C10orf67: variants seen among roughly 807,000 people sequenced by gnomAD.
The protein encoded by C10orf67 is chromosome 10 open reading frame 67.
C10orf67 carries 60 observed loss-of-function variants against 35.6 expected under a neutral mutation model. That is an observed-to-expected ratio of 1.68 (90% CI 1.37 to 2.09). The LOEUF (loss-of-function observed/expected upper bound fraction) is 2.09. Among genes scored for constraint, C10orf67 ranks in the 30% most tolerant of loss-of-function variants. The pLI, the probability that C10orf67 is intolerant of heterozygous loss-of-function variation, is 0.00. For synonymous variants in C10orf67, 167 were observed against 115.8 expected (o/e 1.44, Z -2.84); for missense variants, 474 against 330.2 (o/e 1.44, Z -3.38).
At chr10:23,279,045 A>G (rs778850994) in intron 8 of C10orf67, among the ~76,000 whole-genome samples, 5 of 152,178 alleles carry the variant, frequency 3.3e-5, no homozygotes, top group Non-Finnish European at 7.3e-5. Context: ...TGAGTCCAGG[A>G]GTTCAAGACC....
At chr10:23,273,007 G>A (rs1843072989) in intron 8 of C10orf67, among the ~76,000 whole-genome samples, 1 of 152,092 alleles carries the variant, frequency 6.6e-6, no homozygotes, top group Non-Finnish European at 1.5e-5. Context: ...CTTATATATA[G>A]AAGTACAAGA....
At chr10:23,330,510 G>A (rs1187426241) in intron 2 of C10orf67, among the ~76,000 whole-genome samples, 2 of 152,168 alleles carry the variant, frequency 1.3e-5, no homozygotes, top group Admixed American at 6.5e-5. Context: ...GGAGGCCGAG[G>A]CAGATGGATC....
chr10:23,202,103 G>A (rs758340285), downstream of C10orf67: 1 of 152,238 alleles, frequency 6.6e-6, no homozygotes, highest in African/African-American at 2.4e-5. Context: ...CAGTCTGTGC[G>A]TGCTCAGGAC....
Position 23,267,194 on chromosome 10 carries a change from C to T in C10orf67, c.1035+1G>A. On this transcript the variant is annotated splice_donor_variant, in intron 9 of 15. Transcript: ENST00000636213. LOFTEE classifies it high-confidence loss of function. Reference sequence around the variant, plus strand: ...GAGAGAGAAAAAACTTAAATACAAACCTTTACACTTAAGCTGCCATACTTT... The same window carrying T: ...GAGAGAGAAAAAACTTAAATACAAATCTTTACACTTAAGCTGCCATACTTT... 2.8e-6 allele frequency: 2 copies of T among 713,616 alleles called. No homozygotes were observed. Among genetic ancestry groups the T allele is most frequent in the Non-Finnish European group, 5.2e-6 (2 of 384,046 alleles). 44.2% of individuals were successfully genotyped at this position (713,616 alleles called of 1,614,324 possible).
At chr10:23,267,124 A>G in intron 9 of C10orf67, 71 bp downstream of exon 9, 1 of 676,090 alleles carries the variant, frequency 1.5e-6, no homozygotes, top group Non-Finnish European at 2.7e-6. Context: ...CAGATTTGTC[A>G]ATTCAGATAC....
chr10:23,308,033 G>A (rs1844351122), intron 4 of C10orf67, among the ~76,000 whole-genome samples: 1 of 152,034 alleles, frequency 6.6e-6, no homozygotes, highest in Non-Finnish European at 1.5e-5. Context: ...TATTCTACTA[G>A]GGCCCTTAAG....
chr10:23,206,719 T>C (rs944019157), intron 15 of C10orf67, among the ~76,000 whole-genome samples: 3 of 152,338 alleles, frequency 2.0e-5, no homozygotes, highest in Admixed American at 6.5e-5. Flanking sequence ...ATCACAAACA[T>C]ATACAATTTA....
In C10orf67 at chr10:23,322,386, A is replaced by G. The variant is rs1198795501; in HGVS notation, c.471+8T>C. On this transcript the variant is annotated splice_region_variant and intron_variant, in intron 3 of 15. Transcript: ENST00000636213. Reference sequence around the variant, plus strand: ...CACATAAAACAAAAGAAATAAGAGAACATTTACCTGTTGATAATGCTTTTC... The same window carrying G: ...CACATAAAACAAAAGAAATAAGAGAGCATTTACCTGTTGATAATGCTTTTC... The G allele has an allele frequency of 6.2e-7, 1 of 1,607,210 alleles. No individual in the cohort carries two copies. Among genetic ancestry groups the G allele is most frequent in the Non-Finnish European group, 8.5e-7 (1 of 1,174,974 alleles).
intron 13 of C10orf67, among the ~76,000 whole-genome samples, chr10:23,225,037 C>T (rs1179409211): frequency 3.9e-5 from 6 of 151,980 alleles, no homozygotes; most frequent in Admixed American, 1.3e-4. Context: ...AGATACTCCT[C>T]GAGAAGAGCA....
chr10:23,234,719 A>G (rs1277497372), intron 13 of C10orf67, among the ~76,000 whole-genome samples: 1 of 152,150 alleles, frequency 6.6e-6, no homozygotes, highest in Non-Finnish European at 1.5e-5. Context: ...CTAAAAAAAA[A>G]AAAAGGTAAA....
chr10:23,320,857 C>A (rs1180721147), intron 3 of C10orf67, 42 bp from the exon 4 acceptor site: 1 of 1,304,952 alleles, frequency 7.7e-7, no homozygotes, highest in Non-Finnish European at 1.1e-6. Flanking sequence ...TAATGTATTT[C>A]CAAATATGAC....
Position 23,230,183 on chromosome 10 carries a change from T to C in C10orf67, c.1435-6365A>G, listed in dbSNP as rs576256564. On this transcript the variant is annotated intron_variant, in intron 13 of 15. Coordinates refer to ENST00000636213, the MANE Select transcript of C10orf67 (RefSeq NM_001371909.1). ...TAGACTCATATATATGAGCCCTTAA[T>C]AATGACAGGTGGAATTATATATCAA... is the stretch of plus-strand genomic sequence containing the variant. 3.3e-5 allele frequency among the ~76,000 whole-genome samples: 5 copies of C among 152,248 alleles called. No individual in the cohort carries two copies. The East Asian group carries it at 9.6e-4, about 29-fold the overall frequency.
chr10:23,241,622 G>C (rs1842179647), intron 12 of C10orf67, among the ~76,000 whole-genome samples: 1 of 152,164 alleles, frequency 6.6e-6, no homozygotes. Context: ...CATATCTTGA[G>C]ATAGAGTAAT....
chr10:23,326,512 G>C (rs1845200610), intron 2 of C10orf67, among the ~76,000 whole-genome samples: 1 of 152,070 alleles, frequency 6.6e-6, no homozygotes, highest in African/African-American at 2.4e-5. Context: ...TTAGGCTAAA[G>C]AGAAATAATT....
chr10:23,302,718 C>T (rs990872584), intron 5 of C10orf67, among the ~76,000 whole-genome samples: 8 of 152,188 alleles, frequency 5.3e-5, no homozygotes, highest in Admixed American at 3.9e-4. Context: ...CTTAAACTTC[C>T]TCCTTGACAG....
In C10orf67 at chr10:23,283,162, A is replaced by G. The variant is rs148652884; in HGVS notation, c.910-1084T>C. On this transcript the variant is annotated intron_variant, in intron 7 of 15. Coordinates refer to ENST00000636213, the MANE Select transcript of C10orf67 (RefSeq NM_001371909.1). Reference sequence around the variant, plus strand: ...ACACATTCTATGCCTGTATCAAAATATTTCATATACTCTGTAAATATATAC... The same window carrying G: ...ACACATTCTATGCCTGTATCAAAATGTTTCATATACTCTGTAAATATATAC... Among the ~76,000 whole-genome samples, 139 of 152,264 alleles carry G rather than the reference A, an allele frequency of 9.1e-4. 1 individual carries two copies. Among genetic ancestry groups the G allele is most frequent in the African/African-American group, 3.2e-3 (132 of 41,542 alleles).
At chr10:23,243,419 T>TA (rs1842233653) in intron 12 of C10orf67, among the ~76,000 whole-genome samples, 1 of 151,888 alleles carries the variant, frequency 6.6e-6, no homozygotes, top group African/African-American at 2.4e-5. Context: ...CATGGTGGCT[T>TA]ATGCCTGTAA....
chr10:23,253,334 G>A (rs1842510866), intron 10 of C10orf67, among the ~76,000 whole-genome samples: 1 of 152,152 alleles, frequency 6.6e-6, no homozygotes, highest in South Asian at 2.1e-4. Flanking sequence ...ACATGAGATG[G>A]ACACTTTTTG....
At chr10:23,337,708 T>A (rs1455904917) in intron 1 of C10orf67, among the ~76,000 whole-genome samples, 1 of 152,114 alleles carries the variant, frequency 6.6e-6, no homozygotes, top group South Asian at 2.1e-4. Flanking sequence ...TCAAGGTTAA[T>A]GAGGGGAAAA....
Sources: gnomAD v4.1 joint callset for allele counts (sites outside exome capture counted in the v4.1 genomes callset) on GRCh38, gnomAD v4.1.1 for gene constraint, MANE v1.5 for transcripts, NCBI Gene and HGNC (gene_info 2026-07-23, HGNC 2026-07-21) for gene names.